Variants in SCARA3 observed in about 807,000 individuals in gnomAD.
SCARA3 encodes cellular stress response gene protein.
In SCARA3, 39 loss-of-function variants were observed where a neutral mutation model predicts 47.0. That is an observed-to-expected ratio of 0.83 (90% confidence interval 0.64 to 1.08). The LOEUF (loss-of-function observed/expected upper bound fraction) is 1.08, where lower values mean the gene tolerates loss of function less well. Ranked by LOEUF, SCARA3 falls within the 50% of genes least tolerant of loss-of-function variation. The pLI is 0.00. For missense variants in SCARA3, 724 were observed against 792.3 expected, an observed-to-expected ratio of 0.91 and a Z score of 1.04; for synonymous variants, 356 against 334.1, an observed-to-expected ratio of 1.07 and a Z score of -0.71.
the SCARA3 span, among the ~76,000 whole-genome samples, chr8:27,715,134 C>T: frequency 1.3e-5 from 2 of 152,048 alleles, no homozygotes; most frequent in Non-Finnish European, 2.9e-5. The surrounding 1 kb of genome is among the most constrained non-coding windows in gnomAD (Gnocchi z 4.2). Flanking sequence ...CTATGGTGTT[C>T]AGGCTGATGT....
downstream of SCARA3, chr8:27,680,033 G>T (rs1161893564): frequency 6.6e-6 from 1 of 152,010 alleles, no homozygotes; most frequent in African/African-American, 2.4e-5. Context: ...TTTTGAACTG[G>T]ATAGTATTGC....
chr8:27,666,228 C>T (rs1248755521), intron 5 of SCARA3, among the ~76,000 whole-genome samples: 1 of 152,232 alleles, frequency 6.6e-6, no homozygotes, highest in African/African-American at 2.4e-5. Flanking sequence ...CTAATAGCTG[C>T]AGCCCTTTGT....
the SCARA3 span, among the ~76,000 whole-genome samples, chr8:27,720,445 A>G: frequency 2.0e-5 from 3 of 151,828 alleles, no homozygotes; most frequent in African/African-American, 7.3e-5. Flanking sequence ...TTCATAATAA[A>G]CTCATCTCTG....
intron 1 of SCARA3, among the ~76,000 whole-genome samples, chr8:27,649,262 A>G (rs931889972): frequency 1.3e-5 from 2 of 152,130 alleles, no homozygotes; most frequent in Non-Finnish European, 2.9e-5. Context: ...GCTATGCTGG[A>G]GGCAGAGTCT....
the SCARA3 span, among the ~76,000 whole-genome samples, chr8:27,712,266 T>C: frequency 1.3e-4 from 20 of 152,272 alleles, no homozygotes; most frequent in Admixed American, 8.5e-4. Context: ...AATATGCATT[T>C]AAGATTCTTC....
chr8:27,716,562 T>C, the SCARA3 span, among the ~76,000 whole-genome samples: 16 of 152,232 alleles, frequency 1.1e-4, no homozygotes, highest in African/African-American at 3.8e-4. Context: ...GGAAATCTAA[T>C]CTAAGTAAAG....
chr8:27,683,022 A>C, the SCARA3 span, among the ~76,000 whole-genome samples: 1 of 152,172 alleles, frequency 6.6e-6, no homozygotes, highest in African/African-American at 2.4e-5. Context: ...TAAAAAAACA[A>C]AAAACAAAAA....
chr8:27,670,885 TCTC>T lies in SCARA3; in HGVS notation c.1370-14_1370-12del. 6.6e-7 allele frequency: 1 copy of T among 1,514,988 alleles called. No homozygotes were observed. Among genetic ancestry groups the T allele is most frequent in the South Asian group, 1.3e-5 (1 of 75,430 alleles). 93.8% of individuals were successfully genotyped at this position (1,514,988 alleles called of 1,614,324 possible). ...CCTGACAGACTGACCTCTCCCATCT[TCTC>T]TCCAACCTCAGGTGCCCCCGGCCCT... is the stretch of plus-strand genomic sequence containing the variant. On this transcript the variant is annotated splice_polypyrimidine_tract_variant and intron_variant, in intron 5 of 5. Transcript: ENST00000301904.
chr8:27,693,309 C>T, the SCARA3 span, among the ~76,000 whole-genome samples: 4 of 152,178 alleles, frequency 2.6e-5, no homozygotes, highest in Non-Finnish European at 5.9e-5. Flanking sequence ...ACATTGGGCA[C>T]ATGTTCTTAG....
chr8:27,670,647 C>T (rs369741944), intron 5 of SCARA3, among the ~76,000 whole-genome samples: 15 of 152,012 alleles, frequency 9.9e-5, no homozygotes, highest in East Asian at 3.9e-4. Context: ...ACAACCTTGG[C>T]CCCTTCTCGA....
downstream of SCARA3, among the ~76,000 whole-genome samples, chr8:27,677,204 C>T (rs1416106624): frequency 6.6e-6 from 1 of 152,224 alleles, no homozygotes; most frequent in East Asian, 1.9e-4. Flanking sequence ...TCCAGATTCA[C>T]CTTAGCTTCC....
the SCARA3 span, among the ~76,000 whole-genome samples, chr8:27,731,018 A>G: frequency 6.6e-6 from 1 of 150,680 alleles, no homozygotes; most frequent in East Asian, 2.0e-4. Flanking sequence ...TGGGGGCGTT[A>G]ACAGAGGGCC....
Position 27,671,296 on chromosome 8 carries a change from G to C in SCARA3, c.1766G>C (p.Gly589Ala), listed in dbSNP as rs1802149756. The change falls in exon 6 of 6, where the codon GGT becomes GCT. Residue 589 changes from glycine to alanine, a missense_variant. Transcript: ENST00000301904. ...MGPKGEPGIQGPPGLPGPPGP... is the reference protein window; with the variant it reads ...MGPKGEPGIQAPPGLPGPPGP... Reference sequence around the variant, plus strand: ...CCTAAGGGTGAACCAGGGATCCAGGGTCCCCCTGGTCTCCCGGGGCCTCCA... The same window carrying C: ...CCTAAGGGTGAACCAGGGATCCAGGCTCCCCCTGGTCTCCCGGGGCCTCCA... The C allele has an allele frequency of 7.0e-7, 1 of 1,436,718 alleles. No individual in the cohort carries two copies. The allele number at this position is 1,436,718 out of a possible 1,614,324, so 89.0% of individuals were successfully genotyped here.
downstream of SCARA3, among the ~76,000 whole-genome samples, chr8:27,674,789 C>T (rs185485944): frequency 9.0e-5 from 12 of 134,070 alleles, no homozygotes; most frequent in African/African-American, 3.4e-4. Flanking sequence ...AGTGCAGTGG[C>T]GTGATCTTGG....
chr8:27,699,646 A>G, the SCARA3 span, among the ~76,000 whole-genome samples: 2 of 152,142 alleles, frequency 1.3e-5, no homozygotes, highest in Admixed American at 1.3e-4. Context: ...GACGTTCTCT[A>G]GGTCTGTCAT....
At chr8:27,666,110 C>T (rs1253437920) in intron 5 of SCARA3, among the ~76,000 whole-genome samples, 3 of 152,208 alleles carry the variant, frequency 2.0e-5, no homozygotes, top group African/African-American at 7.2e-5. Flanking sequence ...TGTTCAGGCC[C>T]AACGAGTTAC....
At chr8:27,645,012 G>A (rs1801462095) in intron 1 of SCARA3, among the ~76,000 whole-genome samples, 1 of 152,174 alleles carries the variant, frequency 6.6e-6, no homozygotes, top group African/African-American at 2.4e-5. Flanking sequence ...GGGAAGTAGA[G>A]CCAACATTTT....
chr8:27,674,031 C>T (rs1802223343), downstream of SCARA3, among the ~76,000 whole-genome samples: 1 of 152,146 alleles, frequency 6.6e-6, no homozygotes, highest in African/African-American at 2.4e-5. Flanking sequence ...GGCTACTTTC[C>T]TATTGGTGAG....
chr8:27,633,526 G>A (rs1421902366), upstream of SCARA3, among the ~76,000 whole-genome samples: 3 of 152,170 alleles, frequency 2.0e-5, no homozygotes, highest in Non-Finnish European at 4.4e-5. Flanking sequence ...CTAAAATCTG[G>A]GGTCCCCACC....
Sources: allele counts gnomAD v4.1 joint callset (sites outside exome capture counted in the v4.1 genomes callset), GRCh38; gene constraint gnomAD v4.1.1; non-coding constraint Gnocchi (gnomAD v3.1); transcripts MANE v1.5; gene names NCBI Gene and HGNC (gene_info 2026-07-23, HGNC 2026-07-21).